G3BP2: variants seen among roughly 807,000 people sequenced by gnomAD.
G3BP2 encodes G3BP stress granule assembly factor 2, also known as ras GTPase-activating protein-binding protein 2.
Under a neutral mutation model 56.7 loss-of-function variants are expected in G3BP2, and 11 were observed. That is an observed-to-expected ratio of 0.19 (90% CI 0.12 to 0.32). The LOEUF (loss-of-function observed/expected upper bound fraction) is 0.32. G3BP2 is among the 10% of genes least tolerant of loss of function. The probability of loss-of-function intolerance (pLI) is 1.00; values close to 1 mark genes in which losing one functional copy is unlikely to be tolerated. For missense variants in G3BP2, 340 were observed against 610.9 expected (o/e 0.56, Z 4.67); for synonymous variants, 165 against 191.6 (o/e 0.86, Z 1.15).
At chr4:75,719,206 G>A (rs1187369934) in intron 3 of G3BP2, among the ~76,000 whole-genome samples, 2 of 151,254 alleles carry the variant, frequency 1.3e-5, no homozygotes, top group East Asian at 1.9e-4. Context: ...AAATTAGCCG[G>A]GCTTAGTGGC....
chr4:75,663,816 G>A (rs1732766017), intron 1 of G3BP2, among the ~76,000 whole-genome samples: 1 of 3,386 alleles, frequency 3.0e-4, no homozygotes, highest in Non-Finnish European at 6.7e-4. Context: ...CCAAGATCGC[G>A]CCAGTGCACT....
chr4:75,673,785 G>T (rs1235923971), upstream of G3BP2: 3 of 379,360 alleles, frequency 7.9e-6, no homozygotes, highest in Non-Finnish European at 1.3e-5. Flanking sequence ...TAATGGGAAG[G>T]AGGGAATTTA....
In G3BP2 at chr4:75,655,775, G is replaced by A. The variant is rs753433649; in HGVS notation, c.538C>T (p.Pro180Ser). 11 of 1,547,390 alleles carry A rather than the reference G, an allele frequency of 7.1e-6. No homozygotes were observed. The highest frequency in any genetic ancestry group is 9.8e-6 in the Non-Finnish European group (11 of 1,119,290). Reference protein sequence around the residue: ...NANSGYYEAHPVTNGIEEPLE... With the variant: ...NANSGYYEAHSVTNGIEEPLE... Reference sequence around the variant, plus strand: ...TGCAAATAGTATGCTTACGTCACAGGGTGAGCTTCATAGTAACCACTGTTA... The same window carrying A: ...TGCAAATAGTATGCTTACGTCACAGAGTGAGCTTCATAGTAACCACTGTTA... The change falls in exon 6 of 12, where the codon CCT (proline) becomes TCT (serine). Residue 180 changes from proline to serine, a missense_variant. Around this residue, in one of 4 missense-constraint regions of G3BP2, gnomAD observed 224 missense variants for 332.5 expected, o/e 0.67. Coordinates refer to ENST00000359707, the MANE Select transcript of G3BP2 (RefSeq NM_203505.3).
At chr4:75,714,559 C>T (rs547848796) in intron 3 of G3BP2, among the ~76,000 whole-genome samples, 1 of 151,880 alleles carries the variant, frequency 6.6e-6, no homozygotes, top group Non-Finnish European at 1.5e-5. Flanking sequence ...ACCCGGGAGG[C>T]GAAGGTTGCA....
At chr4:75,660,572 C>T (rs894538797) in intron 2 of G3BP2, among the ~76,000 whole-genome samples, 10 of 151,984 alleles carry the variant, frequency 6.6e-5, no homozygotes, top group Non-Finnish European at 1.2e-4. Context: ...AATATACATA[C>T]GTAAAGTAAT....
At chr4:75,720,676 T>C (rs991855882) in intron 3 of G3BP2, among the ~76,000 whole-genome samples, 3 of 142,380 alleles carry the variant, frequency 2.1e-5, no homozygotes, top group Non-Finnish European at 3.1e-5. Flanking sequence ...TGTGCCTCTA[T>C]TCCCAGCTAC....
At chr4:75,666,765 T>G (rs1578405960) in intron 1 of G3BP2, among the ~76,000 whole-genome samples, 6 of 152,352 alleles carry the variant, frequency 3.9e-5, no homozygotes, top group African/African-American at 1.2e-4. Context: ...CCATTTTTAT[T>G]ATTCATAGCA....
upstream of G3BP2, among the ~76,000 whole-genome samples, chr4:75,674,710 ATATATATATTT>A (rs1334964670): frequency 2.1e-5 from 1 of 47,868 alleles, no homozygotes; most frequent in African/African-American, 6.7e-5. Flanking sequence ...ATATATATAT[ATATATATATTT>A]TTTTTTTTTT....
chr4:75,649,605 C>T (rs1731516536), intron 8 of G3BP2, among the ~76,000 whole-genome samples: 2 of 152,162 alleles, frequency 1.3e-5, no homozygotes, highest in East Asian at 1.9e-4. Flanking sequence ...TTCAGACCTT[C>T]TACTACCCAA....
intron 1 of G3BP2, 58 bp from the exon 2 acceptor site, chr4:75,662,107 T>A: frequency 2.0e-6 from 2 of 1,004,394 alleles, no homozygotes; most frequent in Non-Finnish European, 3.1e-6. Flanking sequence ...TCAACCACCA[T>A]GAAATAAATT....
At chr4:75,659,057 A>G in intron 2 of G3BP2, 133 bp from the exon 3 acceptor site, 1 of 687,794 alleles carries the variant, frequency 1.5e-6, no homozygotes, top group East Asian at 2.6e-5. Context: ...CAGGTAAGTT[A>G]CTTAAGGTCT....
intron 3 of G3BP2, chr4:75,694,999 G>A (rs1719044494): frequency 1.3e-5 from 12 of 914,478 alleles, no homozygotes; most frequent in Non-Finnish European, 1.6e-5. Context: ...GAATATCCGG[G>A]AGAATGGCCC....
At chr4:75,688,627 A>G (rs940767630) in intron 3 of G3BP2, among the ~76,000 whole-genome samples, 4 of 152,194 alleles carry the variant, frequency 2.6e-5, no homozygotes, top group Non-Finnish European at 5.9e-5. Flanking sequence ...AAGGCACCTG[A>G]ATGTTCAAAT....
At chr4:75,707,508 G>T (rs1452402918) in intron 3 of G3BP2, among the ~76,000 whole-genome samples, 3 of 151,316 alleles carry the variant, frequency 2.0e-5, no homozygotes, top group Non-Finnish European at 4.4e-5. Flanking sequence ...ACTCGGAGAG[G>T]CTGAGGCAGG....
In G3BP2 at chr4:75,648,638, C is replaced by G. The variant is rs201416847; in HGVS notation, c.928+1G>C. 1 of 1,528,916 alleles carries G rather than the reference C, an allele frequency of 6.5e-7. No individual in the cohort carries two copies. Among genetic ancestry groups the G allele is most frequent in the Admixed American group, 1.7e-5 (1 of 59,794 alleles). 94.7% of individuals were successfully genotyped at this position (1,528,916 alleles called of 1,614,324 possible). A position where few individuals can be genotyped will look rare whatever the true frequency, so the allele number is the denominator to read the frequency against. On this transcript the variant is annotated splice_donor_variant, in intron 9 of 11. Coordinates refer to ENST00000359707, the MANE Select transcript of G3BP2 (RefSeq NM_203505.3). LOFTEE classifies it high-confidence loss of function. The stretch of plus-strand genomic sequence containing the variant: ...TAAAGGCTATAAAGGAGCTGACTCA[C>G]CTGGTCTTGGTCCTCTAGGAGGAAA...
intron 1 of G3BP2, 139 bp from the exon 2 acceptor site, chr4:75,662,188 G>T: frequency 3.7e-6 from 2 of 541,266 alleles, no homozygotes; most frequent in East Asian, 3.1e-5. Context: ...AATAAGTTCT[G>T]ATAACCCACT....
chr4:75,693,231 G>A (rs2149084181), intron 3 of G3BP2, among the ~76,000 whole-genome samples: 1 of 152,172 alleles, frequency 6.6e-6, no homozygotes, highest in South Asian at 2.1e-4. Context: ...CTGACACAGT[G>A]CGACTCCCTC....
intron 3 of G3BP2, among the ~76,000 whole-genome samples, chr4:75,701,620 G>A (rs1486694405): frequency 1.3e-5 from 2 of 151,976 alleles, no homozygotes; most frequent in East Asian, 3.9e-4. Flanking sequence ...TAGGGATGGG[G>A]TTTCACCATG....
At position 75,695,713 on chromosome 4, in the gene G3BP2, G is replaced by A. The variant is rs111730564; in HGVS notation, c.-25+25164C>T. The stretch of plus-strand genomic sequence containing the variant: ...CCTGAGGCCAGGCATGGTGGCTCAC[G>A]CCTGTAATCCCAGCATTTTGGGAGG... On this transcript the variant is annotated intron_variant, in intron 3 of 3. Transcript: ENST00000499709. Among the ~76,000 whole-genome samples the A allele has an allele frequency of 9.0e-3, 1,366 of 152,194 alleles. 25 individuals are homozygous for A. The highest frequency in any genetic ancestry group is 0.032 in the African/African-American group (1,312 of 41,532).
Sources: gnomAD v4.1 joint callset for allele counts (sites outside exome capture counted in the v4.1 genomes callset) on GRCh38, gnomAD v4.1.1 for gene constraint, gnomAD v4.1.1 regional missense constraint, MANE v1.5 for transcripts, NCBI Gene and HGNC (gene_info 2026-07-23, HGNC 2026-07-21) for gene names.